The following KHDRBS2 variants were observed in gnomAD, a reference collection of about 807,000 sequenced individuals.
The protein encoded by KHDRBS2 is KH domain-containing, RNA-binding, signal transduction-associated protein 2.
KHDRBS2 carries 26 observed loss-of-function variants against 44.3 expected under a neutral mutation model. That is an observed-to-expected ratio of 0.59 (90% CI 0.43 to 0.81). The LOEUF (loss-of-function observed/expected upper bound fraction) is 0.81. Among genes scored for constraint, KHDRBS2 ranks in the 40% least tolerant of loss-of-function variants. The pLI, the probability that KHDRBS2 is intolerant of heterozygous loss-of-function variation, is 0.00. For synonymous variants in KHDRBS2, 194 were observed against 151.1 expected (o/e 1.28, Z -2.08); for missense variants, 476 against 433.1 (o/e 1.10, Z -0.88).
the KHDRBS2 span, among the ~76,000 whole-genome samples, chr6:61,559,198 T>C: frequency 6.6e-6 from 1 of 152,328 alleles, no homozygotes; most frequent in South Asian, 2.1e-4. Context: ...AAAGTTTTTG[T>C]CTTGAAATCT....
intron 1 of KHDRBS2, among the ~76,000 whole-genome samples, chr6:62,211,843 A>C (rs1423624899): frequency 2.0e-5 from 3 of 152,220 alleles, no homozygotes; most frequent in Non-Finnish European, 2.9e-5. Flanking sequence ...TCTATTATAA[A>C]GATACATGCA....
At chr6:62,073,719 C>T (rs1452373864) in intron 2 of KHDRBS2, among the ~76,000 whole-genome samples, 1 of 151,482 alleles carries the variant, frequency 6.6e-6, no homozygotes, top group Non-Finnish European at 1.5e-5. Context: ...TTCTTGGCTA[C>T]TATTTCCTGT....
chr6:62,046,019 C>A (rs1787611969), intron 3 of KHDRBS2, among the ~76,000 whole-genome samples: 1 of 149,738 alleles, frequency 6.7e-6, no homozygotes, highest in African/African-American at 2.4e-5. Flanking sequence ...TTTTGCAGTA[C>A]AATGTATTAT....
At chr6:61,600,288 A>G in the KHDRBS2 span, among the ~76,000 whole-genome samples, 2 of 152,106 alleles carry the variant, frequency 1.3e-5, no homozygotes, top group East Asian at 1.9e-4. Flanking sequence ...AGAAGTGAAA[A>G]TGGCCTGTTC....
chr6:62,196,676 T>A (rs1825773323), intron 1 of KHDRBS2, among the ~76,000 whole-genome samples: 1 of 152,106 alleles, frequency 6.6e-6, no homozygotes, highest in Non-Finnish European at 1.5e-5. Context: ...GACTTAGATG[T>A]TCATTCACTA....
chr6:62,102,246 T>A (rs1314390859), intron 2 of KHDRBS2, among the ~76,000 whole-genome samples: 1 of 152,216 alleles, frequency 6.6e-6, no homozygotes, highest in Admixed American at 6.5e-5. Flanking sequence ...GTTAACGCAT[T>A]ACATATTGTA....
chr6:62,100,495 C>CA (rs1801614490), intron 2 of KHDRBS2, among the ~76,000 whole-genome samples: 1 of 152,114 alleles, frequency 6.6e-6, no homozygotes, highest in Middle Eastern at 3.2e-3. Context: ...TACAGAGAAA[C>CA]ATTTCATAAG....
At chr6:62,106,937 A>T (rs9342667) in intron 2 of KHDRBS2, among the ~76,000 whole-genome samples, 1 of 150,608 alleles carries the variant, frequency 6.6e-6, no homozygotes. Context: ...TTGATGGGAT[A>T]TATCTCAAAA....
chr6:61,653,038 G>A, the KHDRBS2 span, among the ~76,000 whole-genome samples: 1 of 152,088 alleles, frequency 6.6e-6, no homozygotes, highest in African/African-American at 2.4e-5. Flanking sequence ...AATAAACAGA[G>A]CATGGCTGAG....
intron 1 of KHDRBS2, among the ~76,000 whole-genome samples, chr6:62,193,122 C>A (rs996330805): frequency 6.6e-6 from 1 of 151,716 alleles, no homozygotes; most frequent in African/African-American, 2.4e-5. Flanking sequence ...ATATTTAAAA[C>A]GAATATATAT....
chr6:62,282,010 C>A (rs760237379), intron 1 of KHDRBS2, among the ~76,000 whole-genome samples: 1 of 152,040 alleles, frequency 6.6e-6, no homozygotes, highest in Non-Finnish European at 1.5e-5. Context: ...AAGGTGATTA[C>A]GTTAATCAAA....
chr6:61,954,680 ATACT>A (rs1554290217), intron 4 of KHDRBS2, among the ~76,000 whole-genome samples: 1 of 123,982 alleles, frequency 8.1e-6, no homozygotes, highest in Non-Finnish European at 1.8e-5. Context: ...ATACACATAC[ATACT>A]TATGTATACA....
the KHDRBS2 span, among the ~76,000 whole-genome samples, chr6:61,564,454 C>A: frequency 6.6e-6 from 1 of 152,206 alleles, no homozygotes; most frequent in Admixed American, 6.5e-5. Context: ...AATAGCTTCC[C>A]TTTTGCTTCT....
chr6:62,019,894 A>G (rs1384043318), intron 3 of KHDRBS2, among the ~76,000 whole-genome samples: 1 of 151,568 alleles, frequency 6.6e-6, no homozygotes, highest in Non-Finnish European at 1.5e-5. Context: ...ATTTTTATTC[A>G]TCATTATTTT....
rs114060261 is a variant in KHDRBS2 at position 61,726,072 on chromosome 6, C to T, written c.893+6610G>A. On this transcript the variant is annotated intron_variant, in intron 7 of 8. Transcript: ENST00000281156. The stretch of plus-strand genomic sequence containing the variant: ...CAATAAAATACTAGAAAACTGAATC[C>T]AGCAGCACATCAAAAAACTTATTTA... Among the ~76,000 whole-genome samples, 314 of 152,206 alleles carry T rather than the reference C, an allele frequency of 2.1e-3. 3 individuals carry two copies. Among genetic ancestry groups the T allele is most frequent in the African/African-American group, 6.8e-3 (283 of 41,538 alleles).
chr6:61,954,951 T>TATATATGTATATATACACACAC, intron 4 of KHDRBS2, among the ~76,000 whole-genome samples: 1 of 89,140 alleles, frequency 1.1e-5, no homozygotes, highest in South Asian at 3.6e-4. Context: ...TGTGTATACA[T>TATATATGTATATATACACACAC]ATATATGTAT....
chr6:62,106,041 T>G (rs1434269383), intron 2 of KHDRBS2, among the ~76,000 whole-genome samples: 3 of 152,220 alleles, frequency 2.0e-5, no homozygotes, highest in Non-Finnish European at 4.4e-5. Flanking sequence ...ATGTACCCAG[T>G]AGTCATTCAG....
At chr6:62,236,855 T>TA (rs1213945848) in intron 1 of KHDRBS2, among the ~76,000 whole-genome samples, 3 of 152,180 alleles carry the variant, frequency 2.0e-5, no homozygotes, top group Non-Finnish European at 4.4e-5. Context: ...AAATGTAAAT[T>TA]AAAAAATAAC....
intron 2 of KHDRBS2, among the ~76,000 whole-genome samples, chr6:62,115,289 T>A (rs1269255687): frequency 6.6e-6 from 1 of 152,176 alleles, no homozygotes; most frequent in Non-Finnish European, 1.5e-5. Flanking sequence ...AACATGCTTA[T>A]ATTCTGCTCA....
Sources: allele counts gnomAD v4.1 joint callset (sites outside exome capture counted in the v4.1 genomes callset), GRCh38; gene constraint gnomAD v4.1.1; transcripts MANE v1.5; gene names NCBI Gene and HGNC (gene_info 2026-07-23, HGNC 2026-07-21).